The following HMMR variants were observed in gnomAD, a reference collection of about 807,000 sequenced individuals.
HMMR encodes the protein hyaluronan mediated motility receptor, also known as intracellular hyaluronic acid-binding protein.
A neutral mutation model predicts 101.0 loss-of-function variants in HMMR; 108 were observed. The ratio of observed to expected loss-of-function variants is 1.07; its 90% CI spans 0.92 to 1.25. The LOEUF is 1.25. Among genes scored for constraint, HMMR ranks in the 50% most tolerant of loss-of-function variants. The pLI is 0.00. For missense variants in HMMR, 813 were observed against 788.7 expected, an observed-to-expected ratio of 1.03 and a Z score of -0.37; for synonymous variants, 296 against 276.4, an observed-to-expected ratio of 1.07 and a Z score of -0.70.
Position 163,460,742 on chromosome 5 carries a change from C to A in HMMR, c.46+4C>A. Reference sequence around the variant, plus strand: ...AAACGATTCAATGACCCTTCTGGTGCGTAAGGGGGAAAGAGCTGGGGGACG... The same window carrying A: ...AAACGATTCAATGACCCTTCTGGTGAGTAAGGGGGAAAGAGCTGGGGGACG... On this transcript the variant is annotated splice_donor_region_variant and intron_variant, in intron 1 of 17. Coordinates refer to ENST00000393915, the MANE Select transcript of HMMR (RefSeq NM_001142556.2). 1 of 1,606,520 alleles carries A rather than the reference C, an allele frequency of 6.2e-7. No homozygotes were observed. Among genetic ancestry groups the A allele is most frequent in the South Asian group, 1.1e-5 (1 of 89,544 alleles).
chr5:163,475,776 G>A, intron 11 of HMMR, 104 bp downstream of exon 11: 1 of 484,310 alleles, frequency 2.1e-6, no homozygotes, highest in East Asian at 3.4e-5. Flanking sequence ...TGTTAGGTTG[G>A]AATTATTTTA....
intron 1 of HMMR, among the ~76,000 whole-genome samples, chr5:163,461,527 G>T (rs1758532849): frequency 6.6e-6 from 1 of 152,114 alleles, no homozygotes; most frequent in African/African-American, 2.4e-5. Flanking sequence ...GGGCGCGGCG[G>T]CTCACGCCTG....
chr5:163,473,402 A>T lies in HMMR; in HGVS notation c.749A>T (p.Lys250Ile). 1 of 1,610,152 alleles carries T rather than the reference A, an allele frequency of 6.2e-7. No individual in the cohort carries two copies. Among genetic ancestry groups the T allele is most frequent in the African/African-American group, 1.3e-5 (1 of 74,848 alleles). The change falls in exon 9 of 18, where the codon AAA becomes ATA. Residue 250 changes from lysine (K) to isoleucine (I), a missense_variant. Physicochemically the swap from Lys to Ile is moderately radical, Grantham distance 102. Transcript: ENST00000393915. ...EISCASDQVE[K>I]YKLDIAQLEE... ...AGTTGTGCTTCAGATCAAGTGGAAA[A>T]ATACAAGCTAGATATTGCCCAGTTA...
intron 11 of HMMR, among the ~76,000 whole-genome samples, chr5:163,477,933 G>A (rs930601532): frequency 1.3e-5 from 2 of 151,894 alleles, no homozygotes; most frequent in Middle Eastern, 3.2e-3. Context: ...TTTGAAATCC[G>A]GCACTTGTTA....
intron 17 of HMMR, 31 bp downstream of exon 17, chr5:163,490,583 C>T: frequency 4.0e-6 from 6 of 1,516,808 alleles, no homozygotes; most frequent in Non-Finnish European, 5.4e-6. Context: ...TAAAAGTGTC[C>T]TCTTCCTTTG....
At chr5:163,471,900 A>T (rs564105206) in intron 7 of HMMR, among the ~76,000 whole-genome samples, 3 of 152,238 alleles carry the variant, frequency 2.0e-5, no homozygotes, top group African/African-American at 7.2e-5. Context: ...ACCAAACAAG[A>T]TAGAGAACAT....
At chr5:163,463,743 A>G (rs570460506) in intron 1 of HMMR, 113 bp from the exon 2 acceptor site, 2 of 455,246 alleles carry the variant, frequency 4.4e-6, no homozygotes, top group Admixed American at 8.8e-5. Context: ...ACATTTAAAA[A>G]AAGCAGTTTG....
Position 163,475,461 on chromosome 5 carries a change from T to A in HMMR, c.1057T>A (p.Leu353Ile), listed in dbSNP as rs760175178. The change falls in exon 11 of 18, where the codon TTA becomes ATA. Residue 353 changes from leucine to isoleucine, a missense_variant. Leu to Ile is a conservative substitution (Grantham distance 5). Transcript: ENST00000393915. ...GTGGTTTTCTGTTTGGATATAGGAA[T>A]TATCTTCGAGTCTTCATCAGAAGCT... ...IDSLLQQEKE[L>I]SSSLHQKLCS... is the part of the protein sequence containing the mutation. The A allele has an allele frequency of 3.2e-6, 5 of 1,574,344 alleles. No individual in the cohort carries two copies. The African/African-American group carries it at 6.8e-5, about 21-fold the overall frequency.
intron 3 of HMMR, chr5:163,465,068 A>G: frequency 2.9e-6 from 1 of 345,360 alleles, no homozygotes; most frequent in South Asian, 7.5e-5. Context: ...CCTAGTAAAC[A>G]TTTCAAAATT....
intron 1 of HMMR, among the ~76,000 whole-genome samples, chr5:163,461,510 T>C (rs1758532135): frequency 6.6e-6 from 1 of 152,114 alleles, no homozygotes; most frequent in South Asian, 2.1e-4. Flanking sequence ...AGATGCTGTA[T>C]GCGGCCGGGC....
In HMMR at chr5:163,471,423, G is replaced by A. The variant is rs201965952; in HGVS notation, c.610G>A (p.Glu204Lys). 1.5e-4 allele frequency: 246 copies of A among 1,613,906 alleles called. No homozygotes were observed. The highest frequency in any genetic ancestry group is 2.0e-4 in the Non-Finnish European group (231 of 1,179,912). The change falls in exon 7 of 18, where the codon GAA becomes AAA. Residue 204 changes from glutamate to lysine, a missense_variant. Coordinates refer to ENST00000393915, the MANE Select transcript of HMMR (RefSeq NM_001142556.2). ...MKLQVTQRSL[E>K]ESQGKIAQLE... ...GCTGCAGGTCACCCAAAGGAGTCTC[G>A]AAGAGTCTCAAGGGAAAATAGCCCA...
rs370467715 is a variant in HMMR, at chr5:163,466,142, T to C, written c.225+1340T>C. The stretch of plus-strand genomic sequence containing the variant: ...TTAGCCGTGTGTGGTGGCACGTACC[T>C]GTAATCCCAGCTACTCGGGAGGCTG... On this transcript the variant is annotated intron_variant, in intron 3 of 17. Coordinates refer to ENST00000393915, the MANE Select transcript of HMMR (RefSeq NM_001142556.2). Among the ~76,000 whole-genome samples, 4 of 151,874 alleles carry C rather than the reference T, an allele frequency of 2.6e-5. No individual in the cohort carries two copies. In the East Asian group the frequency reaches 5.8e-4, roughly 22 times the overall value.
rs897347085 is a variant in HMMR at position 163,472,439 on chromosome 5, G to A, written c.651-740G>A. Among the ~76,000 whole-genome samples the A allele has an allele frequency of 3.3e-5, 5 of 152,116 alleles. No individual in the cohort carries two copies. In the East Asian group the frequency reaches 9.7e-4, roughly 29 times the overall value. ...ATGTTTTATGTTTTTTTATGGACACGTTTTTATTTCTCAGAGAAATTTCTA... is the reference window on the plus strand; with the variant it reads ...ATGTTTTATGTTTTTTTATGGACACATTTTTATTTCTCAGAGAAATTTCTA... On this transcript the variant is annotated intron_variant, in intron 7 of 17. Coordinates refer to ENST00000393915, the MANE Select transcript of HMMR (RefSeq NM_001142556.2).
At chr5:163,482,102 T>C (rs1418064002) in intron 12 of HMMR, among the ~76,000 whole-genome samples, 1 of 152,032 alleles carries the variant, frequency 6.6e-6, no homozygotes, top group African/African-American at 2.4e-5. Context: ...TTTTTAGTAG[T>C]GATGGGGTTT....
At chr5:163,486,629 T>C (rs570225139) in intron 16 of HMMR, among the ~76,000 whole-genome samples, 19 of 152,338 alleles carry the variant, frequency 1.2e-4, no homozygotes, top group Admixed American at 2.6e-4. Flanking sequence ...CTAATATCTC[T>C]GGCTAAAACC....
Position 163,484,225 on chromosome 5 carries a change from G to T in HMMR, c.1942G>T (p.Glu648Ter). 6.3e-7 allele frequency: 1 copy of T among 1,594,556 alleles called. No homozygotes were observed. Among genetic ancestry groups the T allele is most frequent in the South Asian group, 1.1e-5 (1 of 87,298 alleles). The change falls in exon 16 of 18, where the codon GAA (glutamate) becomes TAA (stop). Residue 648 changes from glutamate (E) to a stop codon, truncating the protein, a stop_gained. Coordinates refer to ENST00000393915, the MANE Select transcript of HMMR (RefSeq NM_001142556.2). LOFTEE classifies it high-confidence loss of function. ...KIKHVVKLKD[E>*]NSQLKSEVSK... The stretch of plus-strand genomic sequence containing the variant: ...CAAGCATGTTGTGAAGTTGAAAGAT[G>T]AAAATAGCCAACTCAAATCGGTTTG...
chr5:163,463,920 C>T lies in HMMR; in HGVS notation c.111C>T (p.Ser37=), dbSNP rs1316988619. 2 of 1,459,384 alleles carry T rather than the reference C, an allele frequency of 1.4e-6. No homozygotes were observed. Among genetic ancestry groups the T allele is most frequent in the Admixed American group, 2.4e-5 (1 of 41,144 alleles). 90.4% of individuals were successfully genotyped at this position (1,459,384 alleles called of 1,614,324 possible). Residue 37 remains serine (S), a synonymous_variant, in exon 2 of 18, where the codon TCC becomes TCT. Transcript: ENST00000393915. ...TAGAAGTATTGAAAGGACCAGTATC[C>T]TTTCAGAAATCACAAAGATTTAAAC... ...KTLEVLKGPV[S]FQKSQRFKQQ... is the part of the protein sequence containing the mutation.
intron 7 of HMMR, among the ~76,000 whole-genome samples, chr5:163,472,247 G>A (rs1480027599): frequency 1.3e-5 from 2 of 151,904 alleles, no homozygotes; most frequent in Non-Finnish European, 2.9e-5. Context: ...TTTGTTTGAT[G>A]TAATTTTTCA....
chr5:163,475,013 G>A (rs1759022791), intron 10 of HMMR, among the ~76,000 whole-genome samples: 1 of 151,916 alleles, frequency 6.6e-6, no homozygotes, highest in South Asian at 2.1e-4. Context: ...AAATTAGGGG[G>A]GGAAGTCGTC....
Sources: allele counts gnomAD v4.1 joint callset (sites outside exome capture counted in the v4.1 genomes callset), GRCh38; gene constraint gnomAD v4.1.1; transcripts MANE v1.5; gene names NCBI Gene and HGNC (gene_info 2026-07-23, HGNC 2026-07-21).